The following TM9SF2 variants were observed in gnomAD, a reference collection of about 807,000 sequenced individuals.
TM9SF2 encodes the protein transmembrane 9 superfamily member 2.
A neutral mutation model predicts 84.9 loss-of-function variants in TM9SF2; 13 were observed. That is an observed-to-expected ratio of 0.15 (90% CI 0.10 to 0.24). The LOEUF (loss-of-function observed/expected upper bound fraction) is 0.24. Ranked by LOEUF, TM9SF2 falls within the 10% of genes least tolerant of loss-of-function variation. The pLI is 1.00. For synonymous variants in TM9SF2, 273 were observed against 285.8 expected (o/e 0.96, Z 0.45); for missense variants, 562 against 818.5 (o/e 0.69, Z 3.82).
At position 99,501,552 on chromosome 13, in the gene TM9SF2, C is replaced by G. The variant is rs1389051774; in HGVS notation, c.-55C>G. On this transcript the variant is annotated 5_prime_UTR_variant, in exon 1 of 17. Coordinates refer to ENST00000376387, the MANE Select transcript of TM9SF2 (RefSeq NM_004800.3). ...GTAGTCGTCTCCGAGACTCCCCACC[C>G]CTCCTTCCCTCTTGACCCCCTAGGT... 6.3e-7 allele frequency: 1 copy of G among 1,578,296 alleles called. No homozygotes were observed. The highest frequency in any genetic ancestry group is 1.1e-5 in the South Asian group (1 of 88,630).
rs377110145 is a variant in TM9SF2, at chr13:99,559,502, T to C, written c.1892T>C (p.Met631Thr). 6.2e-7 allele frequency: 1 copy of C among 1,604,414 alleles called. No homozygotes were observed. The highest frequency in any genetic ancestry group is 8.5e-7 in the Non-Finnish European group (1 of 1,177,670). ...ASTILYFGYT[M>T]IMVLIFFLFT... ...ACAATTCTGTACTTTGGTTATACCA[T>C]GATAATGGTTTTGATCTTCTTTCTT... Residue 631 changes from methionine (M) to threonine (T), a missense_variant, in exon 16 of 17, where the codon ATG becomes ACG. Met to Thr is a moderately conservative substitution (Grantham distance 81). Transcript: ENST00000376387.
At chr13:99,531,087 C>A (rs1342342772) in intron 4 of TM9SF2, among the ~76,000 whole-genome samples, 2 of 152,112 alleles carry the variant, frequency 1.3e-5, no homozygotes. Flanking sequence ...TCTCGAACTC[C>A]TGACCTTAAG....
At chr13:99,515,928 C>T (rs1404972920) in intron 1 of TM9SF2, among the ~76,000 whole-genome samples, 1 of 152,070 alleles carries the variant, frequency 6.6e-6, no homozygotes, top group African/African-American at 2.4e-5. Flanking sequence ...AACGGGGTTT[C>T]GCCATGTTGA....
rs972151302 is a variant in TM9SF2 at position 99,563,911 on chromosome 13, G to A, written c.*1153G>A. On this transcript the variant is annotated 3_prime_UTR_variant, in exon 17 of 17. Transcript: ENST00000376387. ...GTGATTCTGAAGTATCGGTCTGCTT[G>A]TATCTGTGAGCATATTCATTTGTAT... 1 of 152,174 alleles carries A rather than the reference G, an allele frequency of 6.6e-6. No homozygotes were observed. The highest frequency in any genetic ancestry group is 1.5e-5 in the Non-Finnish European group (1 of 68,036). The allele number at this position is 152,174 out of a possible 1,614,324, so 9.4% of individuals were successfully genotyped here.
chr13:99,542,715 CTT>C (rs1236472285), intron 9 of TM9SF2, among the ~76,000 whole-genome samples: 2 of 152,014 alleles, frequency 1.3e-5, no homozygotes, highest in Non-Finnish European at 2.9e-5. Context: ...GATTTTATGT[CTT>C]ATTAAATATT....
At chr13:99,526,662 G>T (rs574884300) in intron 3 of TM9SF2, among the ~76,000 whole-genome samples, 1 of 152,198 alleles carries the variant, frequency 6.6e-6, no homozygotes, top group Non-Finnish European at 1.5e-5. Context: ...CCAGAGGAGG[G>T]AGTGCTTTGA....
intron 11 of TM9SF2, among the ~76,000 whole-genome samples, 180 bp from the exon 12 acceptor site, chr13:99,548,985 G>A (rs916228182): frequency 3.9e-5 from 6 of 152,096 alleles, no homozygotes; most frequent in African/African-American, 1.2e-4. Context: ...ATCCCATCCT[G>A]TATGTCTCAG....
intron 3 of TM9SF2, among the ~76,000 whole-genome samples, chr13:99,528,899 A>T (rs76367042): frequency 0.013 from 1,988 of 152,298 alleles, 30 homozygotes; most frequent in Non-Finnish European, 0.019. Flanking sequence ...TAAAGTTTGA[A>T]TTTATTAAAA....
chr13:99,501,507 C>T lies in TM9SF2; in HGVS notation c.-100C>T. ...GAACTAGCCTTCTGGGGGCCGGCTT[C>T]CTTTATCTCTGGCGGCCTTGTAGTC... On this transcript the variant is annotated 5_prime_UTR_variant, in exon 1 of 17. Transcript: ENST00000376387. 8 of 1,456,348 alleles carry T rather than the reference C, an allele frequency of 5.5e-6. No individual in the cohort carries two copies. Among genetic ancestry groups the T allele is most frequent in the Middle Eastern group, 2.5e-4 (1 of 3,922 alleles). The allele number at this position is 1,456,348 out of a possible 1,614,324, so 90.2% of individuals were successfully genotyped here. A position where few individuals can be genotyped will look rare whatever the true frequency, so the allele number is the denominator to read the frequency against.
chr13:99,506,405 A>G (rs2046088840), intron 1 of TM9SF2, among the ~76,000 whole-genome samples: 1 of 152,214 alleles, frequency 6.6e-6, no homozygotes, highest in Admixed American at 6.5e-5. Flanking sequence ...CTGGGAACTC[A>G]TTAGTGTTTG....
intron 9 of TM9SF2, among the ~76,000 whole-genome samples, chr13:99,543,138 A>T (rs907825906): frequency 6.6e-6 from 1 of 152,106 alleles, no homozygotes; most frequent in African/African-American, 2.4e-5. Context: ...CCTCATTTAC[A>T]TGGCTAGTTC....
At chr13:99,531,485 T>A (rs2046209544) in intron 4 of TM9SF2, among the ~76,000 whole-genome samples, 1 of 152,020 alleles carries the variant, frequency 6.6e-6, no homozygotes, top group African/African-American at 2.4e-5. Context: ...GTTTTCCTCC[T>A]CCTCCACCCC....
At chr13:99,536,365 T>C (rs2046234499) in intron 4 of TM9SF2, among the ~76,000 whole-genome samples, 1 of 152,026 alleles carries the variant, frequency 6.6e-6, no homozygotes, top group African/African-American at 2.4e-5. Flanking sequence ...TGTGATCAAT[T>C]AGTTGTAAAC....
In TM9SF2 at chr13:99,508,441, A is replaced by ACACACACC. The variant is rs893789204; in HGVS notation, c.171+6667_171+6668insACACCCAC. ...CACACACACACACACACACACACAC[A>ACACACACC]CACCCCAGAGATTCAGTAGCTACTC... On this transcript the variant is annotated intron_variant, in intron 1 of 16. Transcript: ENST00000376387. Among the ~76,000 whole-genome samples the ACACACACC allele has an allele frequency of 8.1e-5, 12 of 149,046 alleles. No individual in the cohort carries two copies. In the South Asian group the frequency reaches 2.6e-3, roughly 32 times the overall value.
Position 99,501,492 on chromosome 13 carries a change from T to C in TM9SF2, c.-115T>C. 7.3e-7 allele frequency: 1 copy of C among 1,373,972 alleles called. No homozygotes were observed. Among genetic ancestry groups the C allele is most frequent in the Admixed American group, 2.3e-5 (1 of 43,240 alleles). 85.1% of individuals were successfully genotyped at this position (1,373,972 alleles called of 1,614,324 possible). The stretch of plus-strand genomic sequence containing the variant: ...CTCCTAGCGCAACCGGAACTAGCCT[T>C]CTGGGGGCCGGCTTCCTTTATCTCT... On this transcript the variant is annotated 5_prime_UTR_variant, in exon 1 of 17. Transcript: ENST00000376387.
At chr13:99,514,941 A>G (rs1166612526) in intron 1 of TM9SF2, among the ~76,000 whole-genome samples, 1 of 152,230 alleles carries the variant, frequency 6.6e-6, no homozygotes, top group Non-Finnish European at 1.5e-5. Flanking sequence ...CTTCTGTTCT[A>G]CAGATCAGAA....
At chr13:99,562,017 A>C (rs957829200) in intron 16 of TM9SF2, among the ~76,000 whole-genome samples, 2 of 152,200 alleles carry the variant, frequency 1.3e-5, no homozygotes, top group Admixed American at 1.3e-4. Flanking sequence ...TACTCTACAT[A>C]ATAGTCTATG....
intron 1 of TM9SF2, among the ~76,000 whole-genome samples, chr13:99,515,778 G>T (rs1294982477): frequency 6.7e-6 from 1 of 149,980 alleles, no homozygotes; most frequent in African/African-American, 2.5e-5. Flanking sequence ...TGTTGCCCAG[G>T]CTGGAGTGTA....
intron 1 of TM9SF2, among the ~76,000 whole-genome samples, chr13:99,505,799 G>A (rs2046086439): frequency 6.6e-6 from 1 of 152,198 alleles, no homozygotes; most frequent in African/African-American, 2.4e-5. Flanking sequence ...ATGGCTAAGA[G>A]GTGAAGATTA....
Sources: allele counts gnomAD v4.1 joint callset (sites outside exome capture counted in the v4.1 genomes callset), GRCh38; gene constraint gnomAD v4.1.1; transcripts MANE v1.5; gene names NCBI Gene and HGNC (gene_info 2026-07-23, HGNC 2026-07-21).